LRRC28: variants seen among roughly 807,000 people sequenced by gnomAD.
LRRC28 encodes leucine rich repeat containing 28.
A neutral mutation model predicts 45.7 loss-of-function variants in LRRC28; 39 were observed. The observed-to-expected ratio is 0.85, with a 90% CI of 0.66 to 1.12. LRRC28 has a LOEUF of 1.12. Among genes scored for constraint, LRRC28 ranks in the 50% most tolerant of loss-of-function variants. LRRC28 has a pLI of 0.00. For synonymous variants in LRRC28, 206 were observed against 178.8 expected, an observed-to-expected ratio of 1.15 and a Z score of -1.22; for missense variants, 435 against 438.5, an observed-to-expected ratio of 0.99 and a Z score of 0.07.
intron 2 of LRRC28, among the ~76,000 whole-genome samples, chr15:99,271,321 C>A (rs1270288719): frequency 6.6e-6 from 1 of 151,512 alleles, no homozygotes; most frequent in African/African-American, 2.4e-5. Context: ...ATTCTATTGC[C>A]AGGCTGGAGT....
At chr15:99,342,822 T>C (rs1028759178) in intron 6 of LRRC28, among the ~76,000 whole-genome samples, 10 of 152,254 alleles carry the variant, frequency 6.6e-5, no homozygotes, top group African/African-American at 2.2e-4. Context: ...TAAAGTTATC[T>C]TATTAAATTA....
intron 7 of LRRC28, among the ~76,000 whole-genome samples, chr15:99,359,217 A>G (rs1957131528): frequency 6.6e-6 from 1 of 152,232 alleles, no homozygotes; most frequent in Non-Finnish European, 1.5e-5. Flanking sequence ...AAGTGGATAG[A>G]TTTCACATCA....
At chr15:99,273,977 C>T (rs1023031511) in intron 2 of LRRC28, among the ~76,000 whole-genome samples, 1 of 152,130 alleles carries the variant, frequency 6.6e-6, no homozygotes, top group African/African-American at 2.4e-5. Context: ...TAAACGGAAG[C>T]GTATATTCTC....
At chr15:99,343,555 CAA>C (rs1956585815) in intron 6 of LRRC28, among the ~76,000 whole-genome samples, 1 of 152,192 alleles carries the variant, frequency 6.6e-6, no homozygotes, top group Admixed American at 6.5e-5. Context: ...ATTTTGGACA[CAA>C]TACAGTACTT....
chr15:99,340,527 A>C (rs974777321), intron 6 of LRRC28, among the ~76,000 whole-genome samples: 1 of 152,260 alleles, frequency 6.6e-6, no homozygotes, highest in Non-Finnish European at 1.5e-5. Context: ...ATAATTTCCT[A>C]ATCTCAGACT....
intron 5 of LRRC28, among the ~76,000 whole-genome samples, chr15:99,300,428 T>C (rs2082367357): frequency 6.6e-6 from 1 of 152,128 alleles, no homozygotes; most frequent in Non-Finnish European, 1.5e-5. Flanking sequence ...ATTAAAATAT[T>C]CAATTGAGTA....
chr15:99,354,752 G>A (rs1429226586), intron 7 of LRRC28, among the ~76,000 whole-genome samples: 1 of 152,182 alleles, frequency 6.6e-6, no homozygotes, highest in African/African-American at 2.4e-5. Flanking sequence ...CTTTAAGGAG[G>A]TAATATTTAA....
intron 9 of LRRC28, 67 bp from the exon 10 acceptor site, chr15:99,385,963 A>G (rs529708741): frequency 4.9e-6 from 7 of 1,438,908 alleles, no homozygotes; most frequent in African/African-American, 1.4e-5. Flanking sequence ...AAAAGTTTCC[A>G]GCAGAAAGAA....
At chr15:99,383,073 T>A (rs1957877382) in intron 9 of LRRC28, among the ~76,000 whole-genome samples, 1 of 152,156 alleles carries the variant, frequency 6.6e-6, no homozygotes, top group South Asian at 2.1e-4. Context: ...TTTCAGAACA[T>A]TTTCTCACCC....
At chr15:99,296,214 A>G (rs1331660805) in intron 5 of LRRC28, among the ~76,000 whole-genome samples, 3 of 152,240 alleles carry the variant, frequency 2.0e-5, no homozygotes, top group East Asian at 1.9e-4. Context: ...CAGATGCTCC[A>G]TATTTGAATT....
At chr15:99,260,515 C>T (rs920466315) in intron 2 of LRRC28, among the ~76,000 whole-genome samples, 2 of 152,132 alleles carry the variant, frequency 1.3e-5, no homozygotes, top group African/African-American at 4.8e-5. Context: ...TTACGTATAT[C>T]AAAGAACTTT....
At chr15:99,273,456 CT>C (rs2081536327) in intron 2 of LRRC28, among the ~76,000 whole-genome samples, 1 of 152,124 alleles carries the variant, frequency 6.6e-6, no homozygotes, top group Non-Finnish European at 1.5e-5. Context: ...ACAGGATGGT[CT>C]TGATCTGCTG....
intron 3 of LRRC28, among the ~76,000 whole-genome samples, chr15:99,280,975 G>T (rs1298907266): frequency 6.6e-6 from 1 of 151,214 alleles, no homozygotes; most frequent in African/African-American, 2.4e-5. Context: ...TTCTTCTTCA[G>T]TGTCTAATGT....
rs999544227 is a variant in LRRC28 at position 99,256,105 on chromosome 15, A to G, written c.148A>G (p.Arg50Gly). The change falls in exon 2 of 10, where the codon AGG becomes GGG. Residue 50 changes from arginine to glycine, a missense_variant. Arg to Gly is a moderately radical substitution (Grantham distance 125, BLOSUM62 -2). Coordinates refer to ENST00000301981, the MANE Select transcript of LRRC28 (RefSeq NM_144598.5). ...GTACTTGGAGAGACTCTATATGAAA[A>G]GGAACTCCCTGACATCCTTGGTACA... ...LQYLERLYMK[R>G]NSLTSLPENL... The G allele has an allele frequency of 1.9e-6, 3 of 1,610,758 alleles. No individual in the cohort carries two copies. The highest frequency in any genetic ancestry group is 3.3e-4 in the Middle Eastern group (2 of 6,020).
intron 2 of LRRC28, among the ~76,000 whole-genome samples, chr15:99,275,614 C>A (rs1299371366): frequency 6.6e-6 from 1 of 152,226 alleles, no homozygotes; most frequent in Non-Finnish European, 1.5e-5. Flanking sequence ...TCTGACAGTT[C>A]TTGAGGCAGG....
rs1956442027 is a variant in LRRC28, at chr15:99,339,707, AGAGT to A, written c.592+5582_592+5585del. Among the ~76,000 whole-genome samples, 4 of 147,660 alleles carry A rather than the reference AGAGT, an allele frequency of 2.7e-5. No individual in the cohort carries two copies. In the South Asian group the frequency reaches 8.4e-4, roughly 31 times the overall value. ...ACCACTGCACTCCAGCCTGAGCAAC[AGAGT>A]GAGAAAAAAAAAAAAAAGCGATTGA... On this transcript the variant is annotated intron_variant, in intron 6 of 9. Coordinates refer to ENST00000301981, the MANE Select transcript of LRRC28 (RefSeq NM_144598.5).
chr15:99,281,067 G>C (rs112829261), intron 3 of LRRC28, among the ~76,000 whole-genome samples: 2 of 150,776 alleles, frequency 1.3e-5, no homozygotes, highest in African/African-American at 4.9e-5. Context: ...TTGCTCTGTC[G>C]CCCAGGCTGG....
chr15:99,379,814 G>A (rs531778335), intron 9 of LRRC28, among the ~76,000 whole-genome samples: 1 of 152,296 alleles, frequency 6.6e-6, no homozygotes, highest in African/African-American at 2.4e-5. Context: ...TAGTCATTCA[G>A]GAGCAGGTTG....
intron 9 of LRRC28, among the ~76,000 whole-genome samples, chr15:99,378,390 G>A (rs1017318067): frequency 1.1e-4 from 16 of 152,172 alleles, no homozygotes; most frequent in African/African-American, 3.9e-4. Flanking sequence ...CATTGATTTT[G>A]TATCCTGAGA....
Sources: gnomAD v4.1 joint callset for allele counts (sites outside exome capture counted in the v4.1 genomes callset) on GRCh38, gnomAD v4.1.1 for gene constraint, MANE v1.5 for transcripts, NCBI Gene and HGNC (gene_info 2026-07-23, HGNC 2026-07-21) for gene names.